KHDRBS2: variants seen among roughly 807,000 people sequenced by gnomAD.
The protein encoded by KHDRBS2 is KH domain-containing, RNA-binding, signal transduction-associated protein 2.
A neutral mutation model predicts 44.3 loss-of-function variants in KHDRBS2; 26 were observed. The ratio of observed to expected loss-of-function variants is 0.59; its 90% CI spans 0.43 to 0.81. The LOEUF (loss-of-function observed/expected upper bound fraction) is 0.81. KHDRBS2 is among the 40% of genes least tolerant of loss of function. KHDRBS2 has a pLI of 0.00. For missense variants in KHDRBS2, 476 were observed against 433.1 expected, an observed-to-expected ratio of 1.10 and a Z score of -0.88; for synonymous variants, 194 against 151.1, an observed-to-expected ratio of 1.28 and a Z score of -2.08.
At chr6:62,224,918 T>C (rs1214810422) in intron 1 of KHDRBS2, among the ~76,000 whole-genome samples, 1 of 152,188 alleles carries the variant, frequency 6.6e-6, no homozygotes, top group Admixed American at 6.5e-5. Context: ...AAAAACATAC[T>C]TCCTGTGGCT....
chr6:61,936,419 G>C (rs1160040684), intron 4 of KHDRBS2, among the ~76,000 whole-genome samples: 2 of 151,896 alleles, frequency 1.3e-5, no homozygotes, highest in African/African-American at 4.8e-5. Flanking sequence ...ACTTTGAACT[G>C]TCATCCATTT....
intron 6 of KHDRBS2, among the ~76,000 whole-genome samples, chr6:61,753,624 G>A (rs1778070709): frequency 6.6e-6 from 1 of 152,110 alleles, no homozygotes; most frequent in Non-Finnish European, 1.5e-5. Flanking sequence ...TATGGAAAAG[G>A]AAGAAAGCAT....
At chr6:62,248,381 C>T (rs1563133121) in intron 1 of KHDRBS2, among the ~76,000 whole-genome samples, 1 of 151,126 alleles carries the variant, frequency 6.6e-6, no homozygotes, top group Non-Finnish European at 1.5e-5. Context: ...TTTTTTTTAA[C>T]AGAGTCTTGC....
the KHDRBS2 span, among the ~76,000 whole-genome samples, chr6:61,572,556 A>G: frequency 1.3e-5 from 2 of 152,200 alleles, no homozygotes; most frequent in Admixed American, 6.5e-5. Flanking sequence ...ATGAATACAG[A>G]TGCAAAAATC....
chr6:62,052,741 C>G (rs1389424643), intron 2 of KHDRBS2, among the ~76,000 whole-genome samples: 1 of 152,000 alleles, frequency 6.6e-6, no homozygotes, highest in African/African-American at 2.4e-5. Context: ...GTGCAGTTCA[C>G]AATAGGGTTC....
At chr6:62,252,479 A>T (rs1836709403) in intron 1 of KHDRBS2, among the ~76,000 whole-genome samples, 1 of 151,928 alleles carries the variant, frequency 6.6e-6, no homozygotes, top group South Asian at 2.1e-4. Context: ...TATTATAGAT[A>T]TTGGATTTTT....
intron 2 of KHDRBS2, among the ~76,000 whole-genome samples, chr6:62,070,513 C>T (rs1381316373): frequency 1.3e-4 from 20 of 152,018 alleles, no homozygotes; most frequent in East Asian, 3.9e-4. Context: ...CAACAGGCCC[C>T]GGTGTGTGAT....
chr6:62,248,418 G>A (rs1195309125), intron 1 of KHDRBS2, among the ~76,000 whole-genome samples: 1 of 151,726 alleles, frequency 6.6e-6, no homozygotes, highest in African/African-American at 2.4e-5. Context: ...ATGTACAGTG[G>A]TGCAATCTCA....
chr6:61,636,790 T>G, the KHDRBS2 span, among the ~76,000 whole-genome samples: 1 of 152,074 alleles, frequency 6.6e-6, no homozygotes, highest in Non-Finnish European at 1.5e-5. Flanking sequence ...TAATTTTACT[T>G]CTATATGTAT....
At chr6:61,849,040 T>G (rs1184482246) in intron 6 of KHDRBS2, among the ~76,000 whole-genome samples, 1 of 152,072 alleles carries the variant, frequency 6.6e-6, no homozygotes, top group African/African-American at 2.4e-5. Context: ...TAGAGATGTA[T>G]GTGGTTCATT....
intron 3 of KHDRBS2, among the ~76,000 whole-genome samples, chr6:61,985,666 C>T (rs1489144053): frequency 1.3e-5 from 2 of 152,120 alleles, no homozygotes; most frequent in South Asian, 2.1e-4. Flanking sequence ...GTAAAAATTT[C>T]AGGTGAGACG....
chr6:61,890,069 T>G (rs1801588904), intron 6 of KHDRBS2, among the ~76,000 whole-genome samples: 1 of 152,204 alleles, frequency 6.6e-6, no homozygotes, highest in Non-Finnish European at 1.5e-5. Context: ...TCATTAATTT[T>G]TATTCATTTG....
At chr6:62,170,398 G>A (rs1018919211) in intron 2 of KHDRBS2, among the ~76,000 whole-genome samples, 1 of 151,982 alleles carries the variant, frequency 6.6e-6, no homozygotes, top group African/African-American at 2.4e-5. Flanking sequence ...TGATTGAAGG[G>A]GGCTCCTCCA....
intron 1 of KHDRBS2, among the ~76,000 whole-genome samples, chr6:62,232,543 C>T (rs1444383969): frequency 1.3e-5 from 2 of 152,060 alleles, no homozygotes; most frequent in African/African-American, 2.4e-5. Context: ...ACAAAACATA[C>T]ACCTGAAATA....
chr6:61,694,712 T>C (rs530729971), intron 8 of KHDRBS2, among the ~76,000 whole-genome samples: 13 of 152,212 alleles, frequency 8.5e-5, no homozygotes, highest in Admixed American at 6.5e-4. Context: ...ATTTGGATGC[T>C]AGTGTTTTTA....
At chr6:61,813,994 C>T (rs997969483) in intron 6 of KHDRBS2, 27 of 455,816 alleles carry the variant, frequency 5.9e-5, no homozygotes, top group African/African-American at 3.6e-4. Flanking sequence ...AAAAAAGCTT[C>T]GTCCTGGGTT....
chr6:61,774,235 A>G lies in KHDRBS2; in HGVS notation c.811-41471T>C, dbSNP rs975336630. Reference sequence around the variant, plus strand: ...ATTGAATCTATAAATTACTTTGGGCAGTATGGCCATTTTCACGATATTGAT... The same window carrying G: ...ATTGAATCTATAAATTACTTTGGGCGGTATGGCCATTTTCACGATATTGAT... On this transcript the variant is annotated intron_variant, in intron 6 of 8. Transcript: ENST00000281156. Among the ~76,000 whole-genome samples the G allele has an allele frequency of 4.3e-4, 65 of 152,324 alleles. 1 individual carries two copies. The highest frequency in any genetic ancestry group is 1.5e-3 in the African/African-American group (64 of 41,568).
intron 6 of KHDRBS2, among the ~76,000 whole-genome samples, chr6:61,740,249 T>C (rs935814995): frequency 6.6e-6 from 1 of 151,872 alleles, no homozygotes; most frequent in Non-Finnish European, 1.5e-5. Flanking sequence ...ATGAGAGCAT[T>C]CCATTTCCAG....
At chr6:61,574,251 A>G in the KHDRBS2 span, 350 of 970,470 alleles carry the variant, frequency 3.6e-4, no homozygotes, top group Admixed American at 1.6e-3. Flanking sequence ...GCCCAGTGAC[A>G]TATGTTTAAC....
Sources: allele counts gnomAD v4.1 joint callset (sites outside exome capture counted in the v4.1 genomes callset), GRCh38; gene constraint gnomAD v4.1.1; transcripts MANE v1.5; gene names NCBI Gene and HGNC (gene_info 2026-07-23, HGNC 2026-07-21).